The following FGFR3 variants were observed in gnomAD, a reference collection of about 807,000 sequenced individuals.
FGFR3 encodes fibroblast growth factor receptor 3.
FGFR3 carries 25 observed loss-of-function variants against 82.9 expected under a neutral mutation model. That is an observed-to-expected ratio of 0.30 (90% CI 0.22 to 0.42). FGFR3 has a LOEUF of 0.42. FGFR3 is among the 10% of genes least tolerant of loss of function. FGFR3 has a pLI of 1.00. For missense variants in FGFR3, 1,026 were observed against 1,161.0 expected (o/e 0.88, Z 1.69); for synonymous variants, 620 against 516.0 (o/e 1.20, Z -2.73).
chr4:1,808,157 C>T lies in FGFR3; in HGVS notation c.*895C>T, dbSNP rs964273694. 1.3e-5 allele frequency: 3 copies of T among 232,782 alleles called. No homozygotes were observed. The highest frequency in any genetic ancestry group is 2.5e-5 in the Non-Finnish European group (3 of 117,836). The allele number at this position is 232,782 out of a possible 1,614,324, so 14.4% of individuals were successfully genotyped here. ...CTCTTGTTCCCACACCCCAACACTT[C>T]CAGCATTTAGCTGGCCACATGGCGG... On this transcript the variant is annotated 3_prime_UTR_variant, in exon 18 of 18. Coordinates refer to ENST00000440486, the MANE Select transcript of FGFR3 (RefSeq NM_000142.5).
intron 8 of FGFR3, 84 bp from the exon 9 acceptor site, chr4:1,804,246 G>C: frequency 6.8e-7 from 1 of 1,468,986 alleles, no homozygotes; most frequent in Non-Finnish European, 9.1e-7. Context: ...TCCCAGTGGT[G>C]CCTGCGGCTC....
At chr4:1,795,142 G>A (rs773863448) in intron 2 of FGFR3, among the ~76,000 whole-genome samples, 1 of 151,956 alleles carries the variant, frequency 6.6e-6, no homozygotes, top group Non-Finnish European at 1.5e-5. Context: ...AAAGTGGCCC[G>A]GCGCTTGAAT....
In FGFR3 at chr4:1,797,897, GGGACT is replaced by G. The variant is rs1362089632; in HGVS notation, c.110-1354_110-1350del. Among the ~76,000 whole-genome samples the G allele has an allele frequency of 2.0e-5, 3 of 152,334 alleles. No homozygotes were observed. The East Asian group carries it at 5.8e-4, about 29-fold the overall frequency. ...AGAAGAGGGCCTGGCCGGGCAGCCAGGGACTGGTGTGGCCAGAGTGGGCAGCTGGG... is the reference window on the plus strand; with the variant it reads ...AGAAGAGGGCCTGGCCGGGCAGCCAGGGTGTGGCCAGAGTGGGCAGCTGGG... On this transcript the variant is annotated intron_variant, in intron 2 of 17. Transcript: ENST00000440486.
In FGFR3 at chr4:1,807,397, G is replaced by GCACA; in HGVS notation, c.*135_*136insCACA. On this transcript the variant is annotated 3_prime_UTR_variant, in exon 18 of 18. Transcript: ENST00000440486. ...AGAGCTTTGGTCTGTGTGTGTGTGT[G>GCACA]TGCGTGTGTGTGTGTGTGTGTGCAC... 9.9e-7 allele frequency: 1 copy of GCACA among 1,011,772 alleles called. No individual in the cohort carries two copies. Among genetic ancestry groups the GCACA allele is most frequent in the Non-Finnish European group, 1.4e-6 (1 of 732,532 alleles). 62.7% of individuals were successfully genotyped at this position (1,011,772 alleles called of 1,614,324 possible). A position where few individuals can be genotyped will look rare whatever the true frequency, so the allele number is the denominator to read the frequency against.
intron 2 of FGFR3, among the ~76,000 whole-genome samples, chr4:1,798,573 G>T (rs1167002199): frequency 6.7e-6 from 1 of 149,952 alleles, no homozygotes; most frequent in Non-Finnish European, 1.5e-5. Context: ...TCCGGCCTGT[G>T]CTCTGACCGG....
In FGFR3 at chr4:1,808,395, GAT is replaced by G; in HGVS notation, c.*1134_*1135del. ...ATTTCTATAGGATTTTTCTTTAGGA[GAT>G]TTATTTTTTGGACTTCAAAGCAAGC... is the stretch of plus-strand genomic sequence containing the variant. On this transcript the variant is annotated 3_prime_UTR_variant, in exon 18 of 18. Transcript: ENST00000440486. 4.3e-6 allele frequency: 1 copy of G among 232,496 alleles called. No individual in the cohort carries two copies. Among genetic ancestry groups the G allele is most frequent in the African/African-American group, 2.2e-5 (1 of 45,374 alleles). 14.4% of individuals were successfully genotyped at this position (232,496 alleles called of 1,614,324 possible).
Position 1,805,551 on chromosome 4 carries a change from G to T in FGFR3, c.1535-8G>T, listed in dbSNP as rs111460786. 1,149 of 1,612,992 alleles carry T rather than the reference G, an allele frequency of 7.1e-4. 9 individuals carry two copies. The African/African-American group carries it at 0.013, about 18-fold the overall frequency. ...CCGCCTGACACAGGCCCCCCGCTCC[G>T]TGCACAGACGATGCCACTGACAAGG... On this transcript the variant is annotated splice_region_variant and splice_polypyrimidine_tract_variant and intron_variant, in intron 11 of 17. Coordinates refer to ENST00000440486, the MANE Select transcript of FGFR3 (RefSeq NM_000142.5).
At chr4:1,803,185 G>A (rs1454357854) in intron 7 of FGFR3, 12 of 1,220,202 alleles carry the variant, frequency 9.8e-6, no homozygotes, top group South Asian at 2.0e-5. Flanking sequence ...CGCTCCACTC[G>A]GGGCCGCCTC....
At chr4:1,806,790 G>T (rs2108813669) in intron 16 of FGFR3, 39 bp from the exon 17 acceptor site, 1 of 1,591,366 alleles carries the variant, frequency 6.3e-7, no homozygotes. Flanking sequence ...GAATAAGGCG[G>T]GAAGCGGCGG....
rs2305180 is a variant in FGFR3, at chr4:1,801,509, C to T, written c.588C>T (p.Arg196=). Residue 196 remains arginine, a synonymous_variant, in exon 5 of 18, where the codon CGC becomes CGT. Transcript: ENST00000440486. The part of the protein sequence containing the change: ...ISWLKNGREF[R]GEHRIGGIKL... ...GGCTGAAGAACGGCAGGGAGTTCCG[C>T]GGCGAGCACCGCATTGGAGGCATCA... 16,804 of 1,563,482 alleles carry T rather than the reference C, an allele frequency of 0.011. 395 individuals are homozygous for T. Among genetic ancestry groups the T allele is most frequent in the African/African-American group, 0.085 (6,275 of 73,914 alleles).
Position 1,806,909 on chromosome 4 carries a change from G to A in FGFR3, c.2249G>A (p.Arg750His), listed in dbSNP as rs762888506. 2.0e-5 allele frequency: 32 copies of A among 1,610,504 alleles called. No individual in the cohort carries two copies. The highest frequency in any genetic ancestry group is 2.5e-5 in the Non-Finnish European group (29 of 1,179,080). ...TFKQLVEDLD[R>H]VLTVTSTDEY... ...AAGCAGCTGGTGGAGGACCTGGACC[G>A]TGTCCTTACCGTGACGTCCACCGAC... Residue 750 changes from arginine (R) to histidine (H), a missense_variant, in exon 17 of 18, where the codon CGT becomes CAT. Physicochemically the swap from Arg to His is conservative, Grantham distance 29 (BLOSUM62 0). Coordinates refer to ENST00000440486, the MANE Select transcript of FGFR3 (RefSeq NM_000142.5).
intron 2 of FGFR3, among the ~76,000 whole-genome samples, chr4:1,795,768 C>T (rs1720436106): frequency 1.3e-5 from 2 of 152,156 alleles, no homozygotes; most frequent in African/African-American, 2.4e-5. Flanking sequence ...ACAAGGTCGG[C>T]TCTCCCACAG....
intron 7 of FGFR3, chr4:1,803,271 C>T (rs964974276): frequency 1.5e-5 from 9 of 600,406 alleles, no homozygotes; most frequent in South Asian, 1.4e-4. Context: ...CCTTCCCGCA[C>T]GCCTGCGACC....
rs904691816 is a variant in FGFR3 at position 1,799,600 on chromosome 4, G to C, written c.379+77G>C. The C allele has an allele frequency of 6.5e-6, 10 of 1,549,038 alleles. No homozygotes were observed. The African/African-American group carries it at 1.4e-4, about 21-fold the overall frequency. Reference sequence around the variant, plus strand: ...CTGAGTCCCTGCGTGGGTCAGGAGCGGCTGGGGGTCTCTCTGGTCATTGGT... The same window carrying C: ...CTGAGTCCCTGCGTGGGTCAGGAGCCGCTGGGGGTCTCTCTGGTCATTGGT... On this transcript the variant is annotated intron_variant, in intron 3 of 17. Transcript: ENST00000440486.
rs1722272985 is a variant in FGFR3 at position 1,808,768 on chromosome 4, GC to G, written c.*1509del. 8.6e-6 allele frequency: 2 copies of G among 231,648 alleles called. No homozygotes were observed. Among genetic ancestry groups the G allele is most frequent in the Non-Finnish European group, 1.7e-5 (2 of 116,908 alleles). 14.3% of individuals were successfully genotyped at this position (231,648 alleles called of 1,614,324 possible). ...TGGCTCAGGGTGGTCTCTTCTTGGG[GC>G]CCAGTGCATGGTGGCCAGAGGTGTC... On this transcript the variant is annotated 3_prime_UTR_variant, in exon 18 of 18. Transcript: ENST00000440486.
At chr4:1,800,240 CAGGGTGGCTGGCAGG>C (rs201655641) in intron 4 of FGFR3, among the ~76,000 whole-genome samples, 2,677 of 151,846 alleles carry the variant, frequency 0.018, 79 homozygotes, top group African/African-American at 0.061. Flanking sequence ...CAGTGGCGGG[CAGGGTGGCTGGCAGG>C]AGGGTGGCTG....
Position 1,804,475 on chromosome 4 carries a change from C to T in FGFR3, c.1221C>T (p.Gly407=), listed in dbSNP as rs1721621662. The T allele has an allele frequency of 1.2e-6, 2 of 1,613,116 alleles. No individual in the cohort carries two copies. Among genetic ancestry groups the T allele is most frequent in the East Asian group, 2.2e-5 (1 of 44,880 alleles). The part of the protein sequence containing the change: ...RLRSPPKKGL[G]SPTVHKISRF... The stretch of plus-strand genomic sequence containing the variant: ...GCAGCCCCCCCAAGAAAGGCCTGGG[C>T]TCCCCCACCGTGCACAAGATCTCCC... The change falls in exon 9 of 18, where the codon GGC becomes GGT. Residue 407 remains glycine (G), a synonymous_variant. Coordinates refer to ENST00000440486, the MANE Select transcript of FGFR3 (RefSeq NM_000142.5).
intron 7 of FGFR3, chr4:1,803,238 C>G (rs904656988): frequency 2.5e-6 from 2 of 788,544 alleles, no homozygotes; most frequent in Non-Finnish European, 3.6e-6. Context: ...CCGCCCGCTT[C>G]GAGCCCTGTG....
chr4:1,793,956 C>T lies in FGFR3; in HGVS notation c.22C>T (p.Leu8Phe). 1 of 1,359,886 alleles carries T rather than the reference C, an allele frequency of 7.4e-7. No individual in the cohort carries two copies. Among genetic ancestry groups the T allele is most frequent in the Non-Finnish European group, 9.6e-7 (1 of 1,043,388 alleles). 84.2% of individuals were successfully genotyped at this position (1,359,886 alleles called of 1,614,324 possible). A position where few individuals can be genotyped will look rare whatever the true frequency, so the allele number is the denominator to read the frequency against. MGAPACA[L>F]ALCVAVAIVA... ...CGCCATGGGCGCCCCTGCCTGCGCC[C>T]TCGCGCTCTGCGTGGCCGTGGCCAT... The change falls in exon 2 of 18, where the codon CTC becomes TTC. Residue 8 changes from leucine (L) to phenylalanine (F), a missense_variant. Around this residue, in one of 9 missense-constraint regions of FGFR3, gnomAD observed 226 missense variants for 222.0 expected, o/e 1.02. Transcript: ENST00000440486.
Sources: allele counts gnomAD v4.1 joint callset (sites outside exome capture counted in the v4.1 genomes callset), GRCh38; gene constraint gnomAD v4.1.1; regional missense constraint gnomAD v4.1.1; transcripts MANE v1.5; gene names NCBI Gene and HGNC (gene_info 2026-07-23, HGNC 2026-07-21).